The following SPAG8 variants were observed in gnomAD, a reference collection of about 807,000 sequenced individuals.
The protein encoded by SPAG8 is sperm associated antigen 8.
SPAG8 carries 36 observed loss-of-function variants against 45.3 expected under a neutral mutation model. The observed-to-expected ratio is 0.80, with a 90% CI of 0.61 to 1.05. SPAG8 has a LOEUF of 1.05. Ranked by LOEUF, SPAG8 falls within the 50% of genes least tolerant of loss-of-function variation. The probability of loss-of-function intolerance (pLI) is 0.00; values close to 1 mark genes in which losing one functional copy is unlikely to be tolerated. For missense variants in SPAG8, 573 were observed against 609.2 expected (o/e 0.94, Z 0.63); for synonymous variants, 227 against 232.6 (o/e 0.98, Z 0.22).
chr9:35,808,100 A>G (rs576182435), downstream of SPAG8: 10 of 1,157,004 alleles, frequency 8.6e-6, no homozygotes, highest in African/African-American at 1.1e-4. This position sits in a 1 kb window ranked among gnomAD's most constrained non-coding sequence, Gnocchi z 4.0. Flanking sequence ...AATTACCAAA[A>G]TCAAATGCCT....
chr9:35,808,509 G>A (rs1357724443), downstream of SPAG8: 4 of 1,613,886 alleles, frequency 2.5e-6, no homozygotes, highest in South Asian at 2.2e-5. The surrounding 1 kb of genome is among the most constrained non-coding windows in gnomAD (Gnocchi z 4.0). Flanking sequence ...TCTCAATCAG[G>A]TGGAGACGAT....
chr9:35,807,790 G>A (rs1170682748), downstream of SPAG8, among the ~76,000 whole-genome samples: 2 of 152,204 alleles, frequency 1.3e-5, no homozygotes, highest in African/African-American at 4.8e-5. Flanking sequence ...TTTTGTTGAA[G>A]TTATTGAGTT....
Position 35,810,944 on chromosome 9 carries a change from G to A in SPAG8, c.978C>T (p.Pro326=). The part of the protein sequence containing the change: ...LLTMQLKSPM[P]SSTTQKDSYQ... ...ACGAGTCTTTCTGGGTGGTGCTGGA[G>A]GGCATGGGTGACTTTAGTTGCATAG... The change falls in exon 3 of 7, where the codon CCC becomes CCT. Residue 326 remains proline, a synonymous_variant. Coordinates refer to ENST00000396638, the MANE Select transcript of SPAG8 (RefSeq NM_001039592.2). 1 of 1,614,146 alleles carries A rather than the reference G, an allele frequency of 6.2e-7. No homozygotes were observed. Among genetic ancestry groups the A allele is most frequent in the Non-Finnish European group, 8.5e-7 (1 of 1,180,034 alleles).
At position 35,810,132 on chromosome 9, in the gene SPAG8, C is replaced by T. The variant is rs753850015; in HGVS notation, c.1264G>A (p.Gly422Ser). 8.7e-6 allele frequency: 14 copies of T among 1,609,300 alleles called. No individual in the cohort carries two copies. The highest frequency in any genetic ancestry group is 1.2e-5 in the Non-Finnish European group (14 of 1,176,572). Residue 422 changes from glycine (G) to serine (S), a missense_variant and splice_region_variant, in exon 7 of 7, where the codon GGT (glycine) becomes AGT (serine). By Grantham distance (56) the Gly-to-Ser change is moderately conservative. Transcript: ENST00000396638. ...TCCAATGTCCTGATGTTACTGACAC[C>T]CTGGAGGAGTGCCAGGATGAGGATG... is the stretch of plus-strand genomic sequence containing the variant. ...FWIQRAPQLPGVSNIRTLDTP... is the reference protein window; with the variant it reads ...FWIQRAPQLPSVSNIRTLDTP...
In SPAG8 at chr9:35,812,012, G is replaced by C; in HGVS notation, c.45-11C>G. 6.2e-7 allele frequency: 1 copy of C among 1,604,808 alleles called. No individual in the cohort carries two copies. The highest frequency in any genetic ancestry group is 8.5e-7 in the Non-Finnish European group (1 of 1,175,424). On this transcript the variant is annotated splice_polypyrimidine_tract_variant and intron_variant, in intron 1 of 6. Transcript: ENST00000396638. ...TGTATGTCTAAAGATCTGAAAGAAA[G>C]CAAACACGACATGGCTGTCAAAAGC...
rs775172795 is a variant in SPAG8 at position 35,811,614 on chromosome 9, CCCAGAGCTAGAGCCTGGAACAGGG to C, written c.408_431del (p.Pro139_Val146del). On this transcript the variant is annotated inframe_deletion, in exon 2 of 7. Coordinates refer to ENST00000396638, the MANE Select transcript of SPAG8 (RefSeq NM_001039592.2). ...CACCTGAGCTGGAACCAAGAACAGG[CCCAGAGCTAGAGCCTGGAACAGGG>C]CCAGGATTAGAACTATGGTCAGTTG... 74 of 1,614,126 alleles carry C rather than the reference CCCAGAGCTAGAGCCTGGAACAGGG, an allele frequency of 4.6e-5. No individual in the cohort carries two copies. The South Asian group carries it at 5.8e-4, about 13-fold the overall frequency.
chr9:35,809,094 T>G, downstream of SPAG8: 1 of 1,453,342 alleles, frequency 6.9e-7, no homozygotes, highest in Non-Finnish European at 9.7e-7. The surrounding 1 kb of genome is among the most constrained non-coding windows in gnomAD (Gnocchi z 4.1). Context: ...GTATCACCAA[T>G]TATTTGATTG....
chr9:35,811,524 A>G lies in SPAG8; in HGVS notation c.522T>C (p.Gly174=), dbSNP rs1588080987. 6.2e-7 allele frequency: 1 copy of G among 1,605,052 alleles called. No homozygotes were observed. The highest frequency in any genetic ancestry group is 1.3e-5 in the African/African-American group (1 of 74,178). ...GCGSVPGSGS[G]PGPGSGPGSG... is the part of the protein sequence containing the mutation. ...AGCCAGGACCAGAGCCAGGACCAGG[A>G]CCAGAGCCAGAGCCAGGGACAGAGC... Residue 174 remains glycine (G), a synonymous_variant, in exon 2 of 7, where the codon GGT becomes GGC. Transcript: ENST00000396638.
chr9:35,810,675 A>G lies in SPAG8; in HGVS notation c.1047T>C (p.Arg349=), dbSNP rs368127217. The G allele has an allele frequency of 1.4e-5, 22 of 1,613,792 alleles. No homozygotes were observed. Among genetic ancestry groups the G allele is most frequent in the African/African-American group, 1.3e-4 (10 of 74,880 alleles). ...GCAGGAGCATCTCCAGCATGGCTTC[A>G]CGCTTCCCTGTGAGAGAGTTGGGGG... is the stretch of plus-strand genomic sequence containing the variant. ...GNVYWPLRGK[R]EAMLEMLLQH... Residue 349 remains arginine (R), a synonymous_variant, in exon 4 of 7, where the codon CGT becomes CGC. Coordinates refer to ENST00000396638, the MANE Select transcript of SPAG8 (RefSeq NM_001039592.2).
In SPAG8 at chr9:35,811,667, T is replaced by C; in HGVS notation, c.379A>G (p.Thr127Ala). 6.2e-7 allele frequency: 1 copy of C among 1,614,198 alleles called. No homozygotes were observed. Among genetic ancestry groups the C allele is most frequent in the South Asian group, 1.1e-5 (1 of 91,086 alleles). The part of the protein sequence containing the change: ...YVSCIAQDTC[T>A]TTDHSSNPGP... The stretch of plus-strand genomic sequence containing the variant: ...GGATTAGAACTATGGTCAGTTGTAG[T>C]GCAAGTGTCCTGAGCAATACAGGAA... The change falls in exon 2 of 7, where the codon ACT (threonine) becomes GCT (alanine). Residue 127 changes from threonine (T) to alanine (A), a missense_variant. By Grantham distance (58) the Thr-to-Ala change is moderately conservative. Coordinates refer to ENST00000396638, the MANE Select transcript of SPAG8 (RefSeq NM_001039592.2).
At chr9:35,808,554 G>A (rs1181563118), downstream of SPAG8, 1 of 1,614,060 alleles carries the variant, frequency 6.2e-7, no homozygotes, top group Non-Finnish European at 8.5e-7. The surrounding 1 kb of genome is among the most constrained non-coding windows in gnomAD (Gnocchi z 4.0). Context: ...TGGCCTCCCA[G>A]GCCGAAATGG....
chr9:35,811,841 C>T lies in SPAG8; in HGVS notation c.205G>A (p.Ala69Thr), dbSNP rs13299596. 6.2e-6 allele frequency: 10 copies of T among 1,612,170 alleles called. No individual in the cohort carries two copies. The highest frequency in any genetic ancestry group is 8.5e-6 in the Non-Finnish European group (10 of 1,178,528). ...AATAAFTTAK[A>T]AALSTKTPAP... ...GGGGTCTTTGTAGATAATGCAGCTG[C>T]TTTGGCAGTGGTGAAGGCTGCAGTA... The change falls in exon 2 of 7, where the codon GCA (alanine) becomes ACA (threonine). Residue 69 changes from alanine (A) to threonine (T), a missense_variant. By Grantham distance (58) the Ala-to-Thr change is moderately conservative. Coordinates refer to ENST00000396638, the MANE Select transcript of SPAG8 (RefSeq NM_001039592.2).
chr9:35,811,577 A>G lies in SPAG8; in HGVS notation c.469T>C (p.Ser157Pro), dbSNP rs766546789. ...LGSSSGAGHG[S>P]GSGSGPGCGS... ...CAGCCAGGACCAGAGCCAGAGCCAGAGCCATGGCCAGCACCTGAGCTGGAA... is the reference window on the plus strand; with the variant it reads ...CAGCCAGGACCAGAGCCAGAGCCAGGGCCATGGCCAGCACCTGAGCTGGAA... The change falls in exon 2 of 7, where the codon TCT becomes CCT. Residue 157 changes from serine to proline, a missense_variant. Transcript: ENST00000396638. 1 of 1,613,546 alleles carries G rather than the reference A, an allele frequency of 6.2e-7. No homozygotes were observed. Among genetic ancestry groups the G allele is most frequent in the South Asian group, 1.1e-5 (1 of 91,044 alleles).
intron 2 of SPAG8, 28 bp from the exon 3 acceptor site, chr9:35,811,085 A>G (rs751412007): frequency 6.2e-7 from 1 of 1,604,050 alleles, no homozygotes; most frequent in South Asian, 1.1e-5. Context: ...AATGACTATA[A>G]TATCCCTTCT....
chr9:35,812,097 C>T lies in SPAG8; in HGVS notation c.44+7G>A, dbSNP rs1284489559. ...CTTATGCCTGCAGCCAGAGCTGCGG[C>T]TCTCACCGCGACCGCGACCGCGATC... On this transcript the variant is annotated splice_region_variant and intron_variant, in intron 1 of 6. Coordinates refer to ENST00000396638, the MANE Select transcript of SPAG8 (RefSeq NM_001039592.2). The T allele has an allele frequency of 3.7e-6, 6 of 1,611,356 alleles. No individual in the cohort carries two copies. The highest frequency in any genetic ancestry group is 1.3e-5 in the African/African-American group (1 of 75,074).
chr9:35,808,119 CCTCT>C, downstream of SPAG8: 1 of 1,312,556 alleles, frequency 7.6e-7, no homozygotes, highest in African/African-American at 1.5e-5. This position sits in a 1 kb window ranked among gnomAD's most constrained non-coding sequence, Gnocchi z 4.0. Flanking sequence ...CTGCTTTCCT[CCTCT>C]CTGACAGTTT....
Position 35,811,967 on chromosome 9 carries a change from CCA to C in SPAG8, c.77_78del (p.Leu26ArgfsTer12). On this transcript the variant is annotated frameshift_variant, in exon 2 of 7. Transcript: ENST00000396638. LOFTEE classifies it high-confidence loss of function. ...GAAGGAAACGGTTCCGAAGTGGGCC[CCA>C]GTCCTTCGGAGCTGGGCTGTATGTC... ...SLDIQPSSEGLGPTSEPFPSS... is the reference protein window; with the variant it reads ...SLDIQPSSEGXGPTSEPFPSS... 6.2e-7 allele frequency: 1 copy of C among 1,600,042 alleles called. No homozygotes were observed. The highest frequency in any genetic ancestry group is 8.5e-7 in the Non-Finnish European group (1 of 1,170,352).
rs770111233 is a variant in SPAG8, at chr9:35,810,911, T to A, written c.1011A>T (p.Pro337=). 1 of 1,613,830 alleles carries A rather than the reference T, an allele frequency of 6.2e-7. No homozygotes were observed. Among genetic ancestry groups the A allele is most frequent in the South Asian group, 1.1e-5 (1 of 91,058 alleles). The change falls in exon 3 of 7, where the codon CCA becomes CCT. Residue 337 remains proline (P), a synonymous_variant. Transcript: ENST00000396638. ...SSTTQKDSYQ[P]PGNVYWPLRG... Reference sequence around the variant, plus strand: ...GAAGTGGCCAATAGACGTTTCCTGGTGGCTGGTACGAGTCTTTCTGGGTGG... The same window carrying A: ...GAAGTGGCCAATAGACGTTTCCTGGAGGCTGGTACGAGTCTTTCTGGGTGG...
Position 35,810,484 on chromosome 9 carries a change from G to C in SPAG8, c.1155C>G (p.Asp385Glu). 1 of 1,614,214 alleles carries C rather than the reference G, an allele frequency of 6.2e-7. No homozygotes were observed. The highest frequency in any genetic ancestry group is 8.5e-7 in the Non-Finnish European group (1 of 1,180,044). ...CTGCTTGTGCCAGCTCCATTCGGTA[G>C]TCATGGTGTGTCACAGACTCAACCT... ...LFEVESVTHH[D>E]YRMELAQAGT... Residue 385 changes from aspartate to glutamate, a missense_variant, in exon 5 of 7, where the codon GAC (aspartate) becomes GAG (glutamate). By Grantham distance (45) the Asp-to-Glu change is conservative. Coordinates refer to ENST00000396638, the MANE Select transcript of SPAG8 (RefSeq NM_001039592.2).
Sources: allele counts gnomAD v4.1 joint callset (sites outside exome capture counted in the v4.1 genomes callset), GRCh38; gene constraint gnomAD v4.1.1; non-coding constraint Gnocchi (gnomAD v3.1); transcripts MANE v1.5; gene names NCBI Gene and HGNC (gene_info 2026-07-23, HGNC 2026-07-21).